The following EVX1 variants were observed in gnomAD, a reference collection of about 807,000 sequenced individuals.
The protein encoded by EVX1 is even-skipped homeobox 1.
Under a neutral mutation model 28.6 loss-of-function variants are expected in EVX1, and 19 were observed. That is an observed-to-expected ratio of 0.67 (90% CI 0.46 to 0.98). The LOEUF (loss-of-function observed/expected upper bound fraction) is 0.98, where lower values mean the gene tolerates loss of function less well. Ranked by LOEUF, EVX1 falls within the 50% of genes least tolerant of loss-of-function variation. The probability of loss-of-function intolerance (pLI) is 0.00; values close to 1 mark genes in which losing one functional copy is unlikely to be tolerated. For missense variants in EVX1, 660 were observed against 583.0 expected (o/e 1.13, Z -1.36); for synonymous variants, 324 against 278.2 (o/e 1.16, Z -1.64).
intron 2 of EVX1, 90 bp from the exon 3 acceptor site, chr7:27,245,796 C>G: frequency 6.7e-7 from 1 of 1,500,236 alleles, no homozygotes; most frequent in Non-Finnish European, 8.9e-7. Flanking sequence ...TCCTGCCCTG[C>G]GAACACTGTC....
chr7:27,246,534 A>T lies in EVX1; in HGVS notation c.*109A>T. On this transcript the variant is annotated 3_prime_UTR_variant, in exon 3 of 3. Coordinates refer to ENST00000496902, the MANE Select transcript of EVX1 (RefSeq NM_001989.5). Reference sequence around the variant, plus strand: ...CCTCGCTCCTCGCCCCTAGGACGCCAAGGGGGAAAGGAGAGGGCGGAAAAG... The same window carrying T: ...CCTCGCTCCTCGCCCCTAGGACGCCTAGGGGGAAAGGAGAGGGCGGAAAAG... 2 of 1,138,890 alleles carry T rather than the reference A, an allele frequency of 1.8e-6. No homozygotes were observed. Among genetic ancestry groups the T allele is most frequent in the Non-Finnish European group, 2.5e-6 (2 of 816,014 alleles). The allele number at this position is 1,138,890 out of a possible 1,614,324, so 70.5% of individuals were successfully genotyped here. A position where few individuals can be genotyped will look rare whatever the true frequency, so the allele number is the denominator to read the frequency against.
At position 27,243,050 on chromosome 7, in the gene EVX1, T is replaced by C; in HGVS notation, c.20T>C (p.Met7Thr). 1 of 1,605,694 alleles carries C rather than the reference T, an allele frequency of 6.2e-7. No homozygotes were observed. Among genetic ancestry groups the C allele is most frequent in the Non-Finnish European group, 8.5e-7 (1 of 1,176,194 alleles). Residue 7 changes from methionine to threonine, a missense_variant, in exon 1 of 3, where the codon ATG (methionine) becomes ACG (threonine). Met to Thr is a moderately conservative substitution (Grantham distance 81). Transcript: ENST00000496902. MESRKD[M>T]VVFLDGGQLG... ...CCCGGGATGGAGAGCCGAAAGGACA[T>C]GGTTGTGTTTCTGGATGGGGGTCAG... is the stretch of plus-strand genomic sequence containing the variant.
At position 27,243,128 on chromosome 7, in the gene EVX1, G is replaced by T; in HGVS notation, c.98G>T (p.Ser33Ile). ...RVSNLSEAVG[S>I]PLPEPPEKMV... Reference sequence around the variant, plus strand: ...TCAAATTTGTCCGAAGCCGTGGGCAGCCCGCTGCCGGAGCCGCCCGAGAAA... The same window carrying T: ...TCAAATTTGTCCGAAGCCGTGGGCATCCCGCTGCCGGAGCCGCCCGAGAAA... The change falls in exon 1 of 3, where the codon AGC (serine) becomes ATC (isoleucine). Residue 33 changes from serine (S) to isoleucine (I), a missense_variant. By Grantham distance (142) the Ser-to-Ile change is moderately radical (BLOSUM62 -2). This residue lies in a region of EVX1 where 308 missense variants were observed against 256.6 expected (regional missense o/e 1.20). Transcript: ENST00000496902. 2 of 1,609,432 alleles carry T rather than the reference G, an allele frequency of 1.2e-6. No individual in the cohort carries two copies. Among genetic ancestry groups the T allele is most frequent in the Non-Finnish European group, 1.7e-6 (2 of 1,178,026 alleles).
Position 27,245,961 on chromosome 7 carries a change from G to T in EVX1, c.760G>T (p.Ala254Ser). 1.9e-6 allele frequency: 3 copies of T among 1,608,638 alleles called. No individual in the cohort carries two copies. Among genetic ancestry groups the T allele is most frequent in the African/African-American group, 1.3e-5 (1 of 75,052 alleles). The change falls in exon 3 of 3, where the codon GCC (alanine) becomes TCC (serine). Residue 254 changes from alanine (A) to serine (S), a missense_variant. Ala to Ser is a moderately conservative substitution (Grantham distance 99). Transcript: ENST00000496902. ...GACGTGGCCGCACCCGGCGGACCCCGCCTTCTACACTTACATGATGAGCCA... is the reference window on the plus strand; with the variant it reads ...GACGTGGCCGCACCCGGCGGACCCCTCCTTCTACACTTACATGATGAGCCA... ...AMTWPHPADP[A>S]FYTYMMSHAA...
At position 27,247,235 on chromosome 7, in the gene EVX1, A is replaced by T. The variant is rs1438963875; in HGVS notation, c.*810A>T. On this transcript the variant is annotated 3_prime_UTR_variant, in exon 3 of 3. Coordinates refer to ENST00000496902, the MANE Select transcript of EVX1 (RefSeq NM_001989.5). The stretch of plus-strand genomic sequence containing the variant: ...AGCCTTTTTTCCCTGGGCCCAGCAC[A>T]CACCCTGATTAGCAAGTGATGTGTG... 2 of 152,172 alleles carry T rather than the reference A, an allele frequency of 1.3e-5. No homozygotes were observed. The highest frequency in any genetic ancestry group is 2.9e-5 in the Non-Finnish European group (2 of 68,056). The allele number at this position is 152,172 out of a possible 1,614,324, so 9.4% of individuals were successfully genotyped here.
intron 1 of EVX1, chr7:27,243,708 G>A (rs1783091109): frequency 2.3e-6 from 1 of 441,206 alleles, no homozygotes; most frequent in Admixed American, 4.1e-5. Flanking sequence ...GGACTTGGGG[G>A]ATTCGAAGCT....
rs772814612 is a variant in EVX1 at position 27,246,071 on chromosome 7, ATCCGCCGCC to A, written c.880_888del (p.Ser294_Ala296del). ...ACTCGCCGGTGGGCCTGGGCGCCGC[ATCCGCCGCC>A]TCCGCCGCCGCCTCGCCCTTCAGCG... On this transcript the variant is annotated inframe_deletion, in exon 3 of 3. Transcript: ENST00000496902. 3.2e-6 allele frequency: 5 copies of A among 1,579,588 alleles called. No individual in the cohort carries two copies. The highest frequency in any genetic ancestry group is 2.2e-5 in the South Asian group (2 of 89,058).
Position 27,244,595 on chromosome 7 carries a change from T to C in EVX1, c.428-453T>C, listed in dbSNP as rs1783119023. 7.8e-6 allele frequency: 5 copies of C among 642,714 alleles called. No individual in the cohort carries two copies. In the South Asian group the frequency reaches 2.5e-4, roughly 31 times the overall value. The allele number at this position is 642,714 out of a possible 1,614,324, so 39.8% of individuals were successfully genotyped here. On this transcript the variant is annotated intron_variant, in intron 1 of 2. Transcript: ENST00000496902. ...GGAACCTAGTACACATTCCCACACC[T>C]GTTCTGGCAGCCCGTCACACATAAG... is the stretch of plus-strand genomic sequence containing the variant.
At chr7:27,245,425 G>A (rs1783144724) in intron 2 of EVX1, 121 bp downstream of exon 2, 2 of 1,411,932 alleles carry the variant, frequency 1.4e-6, no homozygotes, top group South Asian at 1.3e-5. Context: ...TGCCCGGCGC[G>A]TGCAGATTGA....
At chr7:27,244,997 C>T in intron 1 of EVX1, 51 bp from the exon 2 acceptor site, 1 of 1,575,536 alleles carries the variant, frequency 6.3e-7, no homozygotes, top group Non-Finnish European at 8.6e-7. Flanking sequence ...ACTTCAATGG[C>T]GTTTGTGTGT....
chr7:27,242,857 C>T lies in EVX1; in HGVS notation c.-174C>T. ...TTCACAAGGTGACCCTAGCTCCCAC[C>T]GCCACCGCCGCGGTCGCGGTCCAGA... On this transcript the variant is annotated 5_prime_UTR_variant, in exon 1 of 3. Coordinates refer to ENST00000496902, the MANE Select transcript of EVX1 (RefSeq NM_001989.5). 2 of 653,598 alleles carry T rather than the reference C, an allele frequency of 3.1e-6. No homozygotes were observed. The highest frequency in any genetic ancestry group is 3.0e-5 in the East Asian group (1 of 33,778). 40.5% of individuals were successfully genotyped at this position (653,598 alleles called of 1,614,324 possible). A position where few individuals can be genotyped will look rare whatever the true frequency, so the allele number is the denominator to read the frequency against.
At chr7:27,245,726 C>T (rs1437011384) in intron 2 of EVX1, among the ~76,000 whole-genome samples, 160 bp from the exon 3 acceptor site, 1 of 152,164 alleles carries the variant, frequency 6.6e-6, no homozygotes, top group Non-Finnish European at 1.5e-5. Context: ...CGGAGGGATT[C>T]CAGCTCCAGG....
Position 27,242,899 on chromosome 7 carries a change from C to T in EVX1, c.-132C>T. The stretch of plus-strand genomic sequence containing the variant: ...CGGTCCAGACCGCGCTCCAGCAGCT[C>T]CGCGCCCTCCCAGGCACCCGGCCTT... On this transcript the variant is annotated 5_prime_UTR_variant, in exon 1 of 3. Coordinates refer to ENST00000496902, the MANE Select transcript of EVX1 (RefSeq NM_001989.5). 2 of 1,067,090 alleles carry T rather than the reference C, an allele frequency of 1.9e-6. No individual in the cohort carries two copies. The highest frequency in any genetic ancestry group is 2.6e-6 in the Non-Finnish European group (2 of 773,588). The allele number at this position is 1,067,090 out of a possible 1,614,324, so 66.1% of individuals were successfully genotyped here. A position where few individuals can be genotyped will look rare whatever the true frequency, so the allele number is the denominator to read the frequency against.
Position 27,246,059 on chromosome 7 carries a change from C to A in EVX1, c.858C>A (p.Gly286=). Residue 286 remains glycine, a synonymous_variant, in exon 3 of 3, where the codon GGC becomes GGA. Coordinates refer to ENST00000496902, the MANE Select transcript of EVX1 (RefSeq NM_001989.5). The stretch of plus-strand genomic sequence containing the variant: ...CCCTGCCCTACTACTCGCCGGTGGG[C>A]CTGGGCGCCGCATCCGCCGCCTCCG... ...HLPLPYYSPV[G]LGAASAASAA... The A allele has an allele frequency of 6.3e-7, 1 of 1,585,542 alleles. No homozygotes were observed. Among genetic ancestry groups the A allele is most frequent in the South Asian group, 1.1e-5 (1 of 89,732 alleles).
chr7:27,245,150 G>A lies in EVX1; in HGVS notation c.530G>A (p.Cys177Tyr). ...GGGGSQGTLA[C>Y]SASDQMRRYR... ...GGCGGCTCGCAAGGCACCCTGGCGTGCAGCGCCAGTGACCAGATGCGTCGT... is the reference window on the plus strand; with the variant it reads ...GGCGGCTCGCAAGGCACCCTGGCGTACAGCGCCAGTGACCAGATGCGTCGT... The change falls in exon 2 of 3, where the codon TGC becomes TAC. Residue 177 changes from cysteine (C) to tyrosine (Y), a missense_variant. Physicochemically the swap from Cys to Tyr is radical, Grantham distance 194. This residue lies in a region of EVX1 where 308 missense variants were observed against 256.6 expected (regional missense o/e 1.20). Coordinates refer to ENST00000496902, the MANE Select transcript of EVX1 (RefSeq NM_001989.5). 1 of 1,613,296 alleles carries A rather than the reference G, an allele frequency of 6.2e-7. No individual in the cohort carries two copies. The highest frequency in any genetic ancestry group is 8.5e-7 in the Non-Finnish European group (1 of 1,180,020).
intron 1 of EVX1, among the ~76,000 whole-genome samples, chr7:27,244,295 T>TG (rs1322630602): frequency 9.0e-6 from 1 of 111,008 alleles, no homozygotes; most frequent in Non-Finnish European, 1.9e-5. Context: ...CGCGGGTTGG[T>TG]GGGGGGGAGG....
intron 1 of EVX1, 160 bp downstream of exon 1, chr7:27,243,617 T>C: frequency 2.6e-6 from 2 of 774,820 alleles, no homozygotes; most frequent in Non-Finnish European, 3.9e-6. Flanking sequence ...GGGGGTCTCC[T>C]ACTGTGTTCT....
At chr7:27,244,017 T>C (rs1187453997) in intron 1 of EVX1, 1 of 152,380 alleles carries the variant, frequency 6.6e-6, no homozygotes, top group Non-Finnish European at 1.5e-5. Context: ...AATGGTCTAA[T>C]TGCCTTTGGT....
Position 27,242,857 on chromosome 7 carries a change from C to G in EVX1, c.-174C>G, listed in dbSNP as rs903370236. 3 of 653,480 alleles carry G rather than the reference C, an allele frequency of 4.6e-6. No individual in the cohort carries two copies. The highest frequency in any genetic ancestry group is 7.5e-6 in the Non-Finnish European group (3 of 398,216). 40.5% of individuals were successfully genotyped at this position (653,480 alleles called of 1,614,324 possible). On this transcript the variant is annotated 5_prime_UTR_variant, in exon 1 of 3. Coordinates refer to ENST00000496902, the MANE Select transcript of EVX1 (RefSeq NM_001989.5). ...TTCACAAGGTGACCCTAGCTCCCAC[C>G]GCCACCGCCGCGGTCGCGGTCCAGA...
Sources: gnomAD v4.1 joint callset for allele counts (sites outside exome capture counted in the v4.1 genomes callset) on GRCh38, gnomAD v4.1.1 for gene constraint, gnomAD v4.1.1 regional missense constraint, MANE v1.5 for transcripts, NCBI Gene and HGNC (gene_info 2026-07-23, HGNC 2026-07-21) for gene names.